HUNK: variants seen among roughly 807,000 people sequenced by gnomAD.
HUNK encodes the protein hormonally up-regulated neu tumor-associated kinase.
HUNK carries 21 observed loss-of-function variants against 61.0 expected under a neutral mutation model. The observed-to-expected ratio is 0.34, with a 90% CI of 0.24 to 0.50. The LOEUF (loss-of-function observed/expected upper bound fraction) is 0.50, where lower values mean the gene tolerates loss of function less well. Among genes scored for constraint, HUNK ranks in the 20% least tolerant of loss-of-function variants. The pLI is 0.98. For synonymous variants in HUNK, 371 were observed against 386.1 expected, an observed-to-expected ratio of 0.96 and a Z score of 0.46; for missense variants, 772 against 945.7, an observed-to-expected ratio of 0.82 and a Z score of 2.41.
chr21:31,968,505 A>G (rs2052984253), intron 6 of HUNK, 120 bp downstream of exon 6: 1 of 1,172,910 alleles, frequency 8.5e-7, no homozygotes, highest in Non-Finnish European at 1.2e-6. Context: ...TCTCTTGGCT[A>G]TCTCCCCTTC....
chr21:31,874,778 A>G (rs1185805765), intron 1 of HUNK, among the ~76,000 whole-genome samples: 1 of 152,100 alleles, frequency 6.6e-6, no homozygotes, highest in African/African-American at 2.4e-5. Context: ...GAAGAGGGGA[A>G]AGGAAAGGGG....
At chr21:31,959,439 C>T (rs1409893998) in intron 5 of HUNK, among the ~76,000 whole-genome samples, 1 of 152,036 alleles carries the variant, frequency 6.6e-6, no homozygotes, top group Admixed American at 6.6e-5. Flanking sequence ...GGTTTTGAGC[C>T]CGTTCAAAAG....
chr21:31,974,690 C>G lies in HUNK; in HGVS notation c.1146C>G (p.Asn382Lys), dbSNP rs1470413407. 6.2e-7 allele frequency: 1 copy of G among 1,613,828 alleles called. No homozygotes were observed. The highest frequency in any genetic ancestry group is 8.5e-7 in the Non-Finnish European group (1 of 1,179,878). The change falls in exon 7 of 11, where the codon AAC becomes AAG. Residue 382 changes from asparagine to lysine, a missense_variant. Asn to Lys is a moderately conservative substitution (Grantham distance 94). Around this residue, in one of 2 missense-constraint regions of HUNK, gnomAD observed 413 missense variants for 444.4 expected, o/e 0.93. Transcript: ENST00000270112. ...CHILAIYFLL[N>K]KKLERYLSGK... ...TCCTGGCCATCTACTTCCTCTTAAA[C>G]AAGAAACTGGAGCGCTATTTGTCAG...
At chr21:31,976,014 G>A (rs936621343) in intron 7 of HUNK, among the ~76,000 whole-genome samples, 3 of 152,196 alleles carry the variant, frequency 2.0e-5, no homozygotes, top group African/African-American at 4.8e-5. Context: ...TTGTGCTTCC[G>A]CAGGAAATTA....
Position 31,924,696 on chromosome 21 carries a change from C to T in HUNK, c.490C>T (p.Arg164Cys), listed in dbSNP as rs1275640042. 7 of 1,613,832 alleles carry T rather than the reference C, an allele frequency of 4.3e-6. No individual in the cohort carries two copies. The highest frequency in any genetic ancestry group is 1.7e-5 in the Admixed American group (1 of 59,992). Reference protein sequence around the residue: ...EKKRLEESEARRYIRQLISAV... With the variant: ...EKKRLEESEACRYIRQLISAV... ...GAAGCGGCTGGAGGAGTCCGAAGCCCGCAGATACATCCGACAGCTCATCTC... is the reference window on the plus strand; with the variant it reads ...GAAGCGGCTGGAGGAGTCCGAAGCCTGCAGATACATCCGACAGCTCATCTC... Residue 164 changes from arginine to cysteine, a missense_variant, in exon 2 of 11, where the codon CGC becomes TGC. Coordinates refer to ENST00000270112, the MANE Select transcript of HUNK (RefSeq NM_014586.2). The surrounding 1 kb of genome is among the most constrained non-coding windows in gnomAD (Gnocchi z 5.1).
intron 2 of HUNK, among the ~76,000 whole-genome samples, chr21:31,931,438 C>T (rs1250495141): frequency 6.6e-6 from 1 of 152,182 alleles, no homozygotes; most frequent in Non-Finnish European, 1.5e-5. Context: ...GAGTGGCCCG[C>T]AAAGCCCTCG....
chr21:31,945,280 G>C (rs1446475835), intron 3 of HUNK, among the ~76,000 whole-genome samples: 4 of 152,132 alleles, frequency 2.6e-5, no homozygotes, highest in African/African-American at 9.7e-5. Context: ...GATAAACATG[G>C]CGCAGAAGGC....
At position 31,924,503 on chromosome 21, in the gene HUNK, A is replaced by G; in HGVS notation, c.297A>G (p.Lys99=). 1 of 1,614,072 alleles carries G rather than the reference A, an allele frequency of 6.2e-7. No homozygotes were observed. The part of the protein sequence containing the change: ...AIKVIDKKRA[K]KDTYVTKNLR... The stretch of plus-strand genomic sequence containing the variant: ...AAGTCATTGATAAGAAGAGAGCCAA[A>G]AAGGACACCTATGTCACCAAAAACC... The change falls in exon 2 of 11, where the codon AAA becomes AAG. Residue 99 remains lysine (K), a synonymous_variant. Coordinates refer to ENST00000270112, the MANE Select transcript of HUNK (RefSeq NM_014586.2). The surrounding 1 kb of genome is among the most constrained non-coding windows in gnomAD (Gnocchi z 5.1).
chr21:31,949,487 A>G (rs1254281524), intron 4 of HUNK, among the ~76,000 whole-genome samples: 1 of 152,188 alleles, frequency 6.6e-6, no homozygotes, highest in Non-Finnish European at 1.5e-5. Flanking sequence ...TGAGTGGATG[A>G]ATATGAATAT....
At chr21:31,880,209 G>C (rs1406029773) in intron 1 of HUNK, among the ~76,000 whole-genome samples, 1 of 152,196 alleles carries the variant, frequency 6.6e-6, no homozygotes, top group Non-Finnish European at 1.5e-5. Context: ...CCTGGTGGAG[G>C]GGGTAACAGC....
Position 31,873,839 on chromosome 21 carries a change from C to A in HUNK, c.165C>A (p.His55Gln), listed in dbSNP as rs777309504. The change falls in exon 1 of 11, where the codon CAC (histidine) becomes CAA (glutamine). Residue 55 changes from histidine (H) to glutamine (Q), a missense_variant. His to Gln is a conservative substitution (Grantham distance 24, BLOSUM62 0). Around this residue, in one of 2 missense-constraint regions of HUNK, gnomAD observed 359 missense variants for 501.3 expected, o/e 0.72. Transcript: ENST00000270112. This position sits in a 1 kb window ranked among gnomAD's most constrained non-coding sequence, Gnocchi z 6.1. Reference protein sequence around the residue: ...PRERLRDFQHHKRVGNYLIGS... With the variant: ...PRERLRDFQHQKRVGNYLIGS... ...AGCGGCTCCGCGACTTCCAGCACCACAAGCGCGTGGGCAACTACCTCATCG... is the reference window on the plus strand; with the variant it reads ...AGCGGCTCCGCGACTTCCAGCACCAAAAGCGCGTGGGCAACTACCTCATCG... 9 of 1,586,170 alleles carry A rather than the reference C, an allele frequency of 5.7e-6. No individual in the cohort carries two copies. Among genetic ancestry groups the A allele is most frequent in the Non-Finnish European group, 7.7e-6 (9 of 1,168,790 alleles).
chr21:31,874,926 C>G (rs768088995), intron 1 of HUNK, among the ~76,000 whole-genome samples: 1 of 152,184 alleles, frequency 6.6e-6, no homozygotes, highest in South Asian at 2.1e-4. Flanking sequence ...CTTGGTGACT[C>G]GCTTTTGAGG....
At chr21:31,898,556 C>T (rs950535698) in intron 1 of HUNK, among the ~76,000 whole-genome samples, 1 of 152,184 alleles carries the variant, frequency 6.6e-6, no homozygotes, top group Non-Finnish European at 1.5e-5. Context: ...CATGAGCCAC[C>T]ACGCCCGGCC....
intron 4 of HUNK, among the ~76,000 whole-genome samples, chr21:31,958,285 A>ACTTTCTTT (rs370819225): frequency 0.08 from 11,862 of 149,162 alleles, 518 homozygotes; most frequent in East Asian, 0.15. Flanking sequence ...CTCACCCAAG[A>ACTTTCTTT]CTTTCTTTCT....
Position 31,999,354 on chromosome 21 carries a change from C to G in HUNK, c.*170C>G. On this transcript the variant is annotated 3_prime_UTR_variant, in exon 11 of 11. Coordinates refer to ENST00000270112, the MANE Select transcript of HUNK (RefSeq NM_014586.2). ...ACAACCCAACCTCGCTTAGGGACCC[C>G]CAGAGATGCTGGAATCGCTAGGAGG... The G allele has an allele frequency of 1.7e-6, 1 of 593,880 alleles. No homozygotes were observed. Among genetic ancestry groups the G allele is most frequent in the South Asian group, 2.7e-5 (1 of 36,660 alleles). 36.8% of individuals were successfully genotyped at this position (593,880 alleles called of 1,614,324 possible). A position where few individuals can be genotyped will look rare whatever the true frequency, so the allele number is the denominator to read the frequency against.
intron 3 of HUNK, among the ~76,000 whole-genome samples, chr21:31,945,076 C>T (rs1048927594): frequency 2.6e-5 from 4 of 152,120 alleles, no homozygotes; most frequent in Admixed American, 2.6e-4. Context: ...AGACTGGAAG[C>T]CTGTCTCTGC....
intron 1 of HUNK, among the ~76,000 whole-genome samples, chr21:31,883,039 C>G (rs1331613727): frequency 6.7e-6 from 1 of 148,570 alleles, no homozygotes; most frequent in Admixed American, 6.7e-5. Context: ...TTTTGTTATT[C>G]TCAAACCATA....
Position 31,999,990 on chromosome 21 carries a change from G to T in HUNK, c.*806G>T. 2.5e-6 allele frequency: 1 copy of T among 396,990 alleles called. No homozygotes were observed. Among genetic ancestry groups the T allele is most frequent in the Non-Finnish European group, 4.4e-6 (1 of 225,572 alleles). 24.6% of individuals were successfully genotyped at this position (396,990 alleles called of 1,614,324 possible). ...TGTTTTCACAGGAGGGTTCAGTGTG[G>T]AGAGCAAAAAAGCTGACTGTGGTGA... On this transcript the variant is annotated 3_prime_UTR_variant, in exon 11 of 11. Coordinates refer to ENST00000270112, the MANE Select transcript of HUNK (RefSeq NM_014586.2).
At chr21:31,883,708 A>G (rs2052326097) in intron 1 of HUNK, among the ~76,000 whole-genome samples, 1 of 152,150 alleles carries the variant, frequency 6.6e-6, no homozygotes, top group African/African-American at 2.4e-5. Flanking sequence ...ATGTAAACAT[A>G]TTTCTGAGGA....
Sources: gnomAD v4.1 joint callset for allele counts (sites outside exome capture counted in the v4.1 genomes callset) on GRCh38, gnomAD v4.1.1 for gene constraint, gnomAD v4.1.1 regional missense constraint, Gnocchi (gnomAD v3.1) non-coding constraint, MANE v1.5 for transcripts, NCBI Gene and HGNC (gene_info 2026-07-23, HGNC 2026-07-21) for gene names.